CEMIP2: variants seen among roughly 807,000 people sequenced by gnomAD.
CEMIP2 encodes cell migration inducing hyaluronidase 2, also known as cell surface hyaluronidase CEMIP2.
Under a neutral mutation model 146.9 loss-of-function variants are expected in CEMIP2, and 79 were observed. That is an observed-to-expected ratio of 0.54 (90% confidence interval 0.45 to 0.65). CEMIP2 has a LOEUF of 0.65. CEMIP2 is among the 30% of genes least tolerant of loss of function. The pLI is 0.00. For synonymous variants in CEMIP2, 601 were observed against 606.3 expected (o/e 0.99, Z 0.13); for missense variants, 1,596 against 1,696.2 (o/e 0.94, Z 1.04).
At chr9:71,699,859 T>C (rs1822510186) in intron 19 of CEMIP2, among the ~76,000 whole-genome samples, 1 of 152,208 alleles carries the variant, frequency 6.6e-6, no homozygotes, top group Admixed American at 6.5e-5. Flanking sequence ...TCTGAGGCAA[T>C]CCAAAAGCCA....
intron 12 of CEMIP2, among the ~76,000 whole-genome samples, chr9:71,720,692 T>C (rs2131935384): frequency 6.6e-6 from 1 of 152,352 alleles, no homozygotes; most frequent in East Asian, 1.9e-4. Flanking sequence ...TTATTACTCA[T>C]TTATGCTAGT....
intron 15 of CEMIP2, among the ~76,000 whole-genome samples, chr9:71,712,672 G>A (rs1589138837): frequency 6.6e-6 from 1 of 152,122 alleles, no homozygotes; most frequent in Admixed American, 6.6e-5. Flanking sequence ...ACAAGTCTGC[G>A]CTTAGGCAGA....
chr9:71,731,318 T>C (rs1823610785), intron 7 of CEMIP2, among the ~76,000 whole-genome samples: 1 of 152,242 alleles, frequency 6.6e-6, no homozygotes, highest in Non-Finnish European at 1.5e-5. Context: ...ATAATATTGT[T>C]GGCTTAAGTT....
rs555600727 is a variant in CEMIP2 at position 71,723,604 on chromosome 9, A to T, written c.2179-1089T>A. Reference sequence around the variant, plus strand: ...AGTGGTTTTGTTCACTGAGACAGACATATGAGAATAGGTCTGGGCCTAAAA... The same window carrying T: ...AGTGGTTTTGTTCACTGAGACAGACTTATGAGAATAGGTCTGGGCCTAAAA... On this transcript the variant is annotated intron_variant, in intron 11 of 23. Coordinates refer to ENST00000377044, the MANE Select transcript of CEMIP2 (RefSeq NM_013390.3). Among the ~76,000 whole-genome samples the T allele has an allele frequency of 5.2e-4, 79 of 152,370 alleles. No individual in the cohort carries two copies. In the South Asian group the frequency reaches 0.016, roughly 30 times the overall value.
At chr9:71,739,470 C>A (rs891478079) in intron 5 of CEMIP2, among the ~76,000 whole-genome samples, 2 of 149,442 alleles carry the variant, frequency 1.3e-5, no homozygotes, top group Middle Eastern at 3.6e-3. Flanking sequence ...TGCTAAGAAA[C>A]GCTTCTTATC....
chr9:71,753,710 G>GATACAA (rs74278541), intron 1 of CEMIP2, among the ~76,000 whole-genome samples: 10,463 of 152,048 alleles, frequency 0.069, 502 homozygotes, highest in South Asian at 0.19. Context: ...AAAAATATAA[G>GATACAA]ATACATTGCT....
chr9:71,743,055 A>G (rs925986821), intron 4 of CEMIP2, among the ~76,000 whole-genome samples: 10 of 152,218 alleles, frequency 6.6e-5, no homozygotes, highest in African/African-American at 2.2e-4. Flanking sequence ...CCCCATCTCT[A>G]TTTAAAATTA....
At chr9:71,750,529 C>T in intron 1 of CEMIP2, 144 bp from the exon 2 acceptor site, 1 of 609,756 alleles carries the variant, frequency 1.6e-6, no homozygotes, top group Non-Finnish European at 2.6e-6. Context: ...GCCACCTCTG[C>T]CTCCCAGGTT....
chr9:71,684,934 G>T lies in CEMIP2; in HGVS notation c.*263C>A. The T allele has an allele frequency of 5.1e-6, 2 of 392,402 alleles. No homozygotes were observed. The highest frequency in any genetic ancestry group is 7.8e-5 in the South Asian group (1 of 12,828). 24.3% of individuals were successfully genotyped at this position (392,402 alleles called of 1,614,324 possible). ...ATTGCTCATGGTCATTACAAAATAC[G>T]GGGGTGGAAAGTGAGGAATAAGAGA... is the stretch of plus-strand genomic sequence containing the variant. On this transcript the variant is annotated 3_prime_UTR_variant, in exon 24 of 24. Transcript: ENST00000377044.
chr9:71,690,194 A>G lies in CEMIP2; in HGVS notation c.3749T>C (p.Val1250Ala). The G allele has an allele frequency of 6.2e-7, 1 of 1,614,172 alleles. No homozygotes were observed. The highest frequency in any genetic ancestry group is 8.5e-7 in the Non-Finnish European group (1 of 1,180,016). Residue 1250 changes from valine (V) to alanine (A), a missense_variant, in exon 22 of 24, where the codon GTG becomes GCG. Transcript: ENST00000377044. ...FRSAGVLLLV[V>A]DPCSVPFRLT... ...GCGGAATGGAACGCTGCACGGATCC[A>G]CAACAAGGAGGAGGACGCCTGCACT...
chr9:71,728,133 A>C (rs529262566), intron 10 of CEMIP2, among the ~76,000 whole-genome samples: 3 of 147,498 alleles, frequency 2.0e-5, no homozygotes, highest in South Asian at 2.2e-4. Context: ...TGGGAGGCTA[A>C]GGCAGGTGGA....
intron 10 of CEMIP2, among the ~76,000 whole-genome samples, chr9:71,728,231 C>CTCTCTCTATATA (rs1554684626): frequency 1.4e-4 from 2 of 14,778 alleles, no homozygotes; most frequent in African/African-American, 4.5e-4. Flanking sequence ...CTCTCTCTCT[C>CTCTCTCTATATA]TATATATATA....
At chr9:71,685,928 A>C in intron 22 of CEMIP2, 82 bp from the exon 23 acceptor site, 1 of 939,230 alleles carries the variant, frequency 1.1e-6, no homozygotes, top group Non-Finnish European at 1.7e-6. Flanking sequence ...TTCTGAACTG[A>C]CTGCTGAATA....
At chr9:71,708,294 T>G (rs180935538) in intron 17 of CEMIP2, among the ~76,000 whole-genome samples, 1 of 152,298 alleles carries the variant, frequency 6.6e-6, no homozygotes, top group East Asian at 1.9e-4. Flanking sequence ...GTACCTCCAT[T>G]CTGCAATCTC....
In CEMIP2 at chr9:71,685,463, T is replaced by C. The variant is rs890200077; in HGVS notation, c.3956-70A>G. 15 of 1,391,316 alleles carry C rather than the reference T, an allele frequency of 1.1e-5. No individual in the cohort carries two copies. In the African/African-American group the frequency reaches 1.8e-4, roughly 17 times the overall value. The allele number at this position is 1,391,316 out of a possible 1,614,324, so 86.2% of individuals were successfully genotyped here. A position where few individuals can be genotyped will look rare whatever the true frequency, so the allele number is the denominator to read the frequency against. On this transcript the variant is annotated intron_variant, in intron 23 of 23. Coordinates refer to ENST00000377044, the MANE Select transcript of CEMIP2 (RefSeq NM_013390.3). ...ATAGCTACATTCCAGCAAGAGAATA[T>C]AGGAGGTGAGTCGGAGGTGAGCAAA...
chr9:71,717,133 C>A (rs1269885437), intron 13 of CEMIP2, among the ~76,000 whole-genome samples: 1 of 152,184 alleles, frequency 6.6e-6, no homozygotes, highest in Non-Finnish European at 1.5e-5. Context: ...GATTGCACCA[C>A]TGAACTCTAG....
intron 5 of CEMIP2, among the ~76,000 whole-genome samples, chr9:71,738,912 T>A (rs926305181): frequency 6.6e-6 from 1 of 152,278 alleles, no homozygotes; most frequent in African/African-American, 2.4e-5. Flanking sequence ...TCTGTTAAAT[T>A]TTTTTAAAGC....
At chr9:71,701,072 T>C (rs1307366034) in intron 18 of CEMIP2, among the ~76,000 whole-genome samples, 4 of 152,146 alleles carry the variant, frequency 2.6e-5, no homozygotes, top group Non-Finnish European at 5.9e-5. Context: ...ACAGCAAAAA[T>C]ATGAGCCTTT....
At chr9:71,750,534 C>T in intron 1 of CEMIP2, 149 bp from the exon 2 acceptor site, 1 of 594,352 alleles carries the variant, frequency 1.7e-6, no homozygotes, top group Non-Finnish European at 2.7e-6. Flanking sequence ...CTCTGCCTCC[C>T]AGGTTCAAGT....
Sources: allele counts gnomAD v4.1 joint callset (sites outside exome capture counted in the v4.1 genomes callset), GRCh38; gene constraint gnomAD v4.1.1; transcripts MANE v1.5; gene names NCBI Gene and HGNC (gene_info 2026-07-23, HGNC 2026-07-21).